The following HSPA12A variants were observed in gnomAD, a reference collection of about 807,000 sequenced individuals.
HSPA12A encodes the protein heat shock protein family A (Hsp70) member 12A.
A neutral mutation model predicts 69.2 loss-of-function variants in HSPA12A; 28 were observed. That is an observed-to-expected ratio of 0.40 (90% confidence interval 0.30 to 0.55). The LOEUF (loss-of-function observed/expected upper bound fraction) is 0.55, where lower values mean the gene tolerates loss of function less well. Among genes scored for constraint, HSPA12A ranks in the 20% least tolerant of loss-of-function variants. The pLI is 0.38. For synonymous variants in HSPA12A, 345 were observed against 370.5 expected (o/e 0.93, Z 0.79); for missense variants, 686 against 900.7 (o/e 0.76, Z 3.05).
chr10:116,794,717 G>A (rs1315122488), intron 2 of HSPA12A, among the ~76,000 whole-genome samples: 1 of 152,138 alleles, frequency 6.6e-6, no homozygotes. Context: ...GGAGGCTGAG[G>A]CAGGAGAATT....
At chr10:116,795,773 T>C (rs1182903531) in intron 2 of HSPA12A, among the ~76,000 whole-genome samples, 1 of 150,266 alleles carries the variant, frequency 6.7e-6, no homozygotes, top group East Asian at 1.9e-4. Flanking sequence ...GTATATCATA[T>C]ATTATTATTT....
In HSPA12A at chr10:116,674,995, G is replaced by A. The variant is rs781817434; in HGVS notation, c.1814C>T (p.Ser605Phe). ...QLVIVINIYS[S>F]EHDNVSFITD... The stretch of plus-strand genomic sequence containing the variant: ...GATGAAGCTGACGTTGTCGTGCTCA[G>A]AGCTGTAGATGTTGATGACAATGAC... Residue 605 changes from serine to phenylalanine, a missense_variant, in exon 12 of 12, where the codon TCT becomes TTT. Coordinates refer to ENST00000369209, the MANE Select transcript of HSPA12A (RefSeq NM_025015.3). 75 of 1,614,098 alleles carry A rather than the reference G, an allele frequency of 4.6e-5. No individual in the cohort carries two copies. The highest frequency in any genetic ancestry group is 5.8e-5 in the Non-Finnish European group (69 of 1,180,052).
intron 1 of HSPA12A, among the ~76,000 whole-genome samples, chr10:116,721,113 C>T (rs548725768): frequency 6.6e-6 from 1 of 152,326 alleles, no homozygotes; most frequent in South Asian, 2.1e-4. Context: ...GACAGACTTA[C>T]ATTTGTACAA....
At chr10:116,757,396 C>T (rs1182549746) in intron 2 of HSPA12A, among the ~76,000 whole-genome samples, 1 of 152,166 alleles carries the variant, frequency 6.6e-6, no homozygotes, top group African/African-American at 2.4e-5. Context: ...CAGAAACCGT[C>T]CATGTAGGGC....
chr10:116,787,232 T>C (rs3125617), intron 2 of HSPA12A, among the ~76,000 whole-genome samples: 111,891 of 151,680 alleles, frequency 0.74, 42,528 homozygotes, highest in Admixed American at 0.84. Context: ...CAGAGCAATC[T>C]GGAAATACCA....
chr10:116,787,766 G>A (rs1008204992), intron 2 of HSPA12A, among the ~76,000 whole-genome samples: 13 of 152,206 alleles, frequency 8.5e-5, no homozygotes, highest in African/African-American at 3.1e-4. Flanking sequence ...GTGAAAAGAA[G>A]AGGAAAGAAG....
intron 2 of HSPA12A, among the ~76,000 whole-genome samples, chr10:116,758,396 G>A (rs1248680770): frequency 5.3e-5 from 8 of 152,148 alleles, no homozygotes; most frequent in East Asian, 1.9e-4. Flanking sequence ...AATTCACTAG[G>A]TGAACTCTGA....
In HSPA12A at chr10:116,672,433, T is replaced by C. The variant is rs550115032; in HGVS notation, c.*2348A>G. The C allele has an allele frequency of 3.9e-5, 6 of 152,326 alleles. No individual in the cohort carries two copies. In the South Asian group the frequency reaches 1.2e-3, roughly 32 times the overall value. The allele number at this position is 152,326 out of a possible 1,614,324, so 9.4% of individuals were successfully genotyped here. On this transcript the variant is annotated 3_prime_UTR_variant, in exon 12 of 12. Coordinates refer to ENST00000369209, the MANE Select transcript of HSPA12A (RefSeq NM_025015.3). ...TGTGACTGTTTGGGAAGGATGTGCA[T>C]GGAGAAGGGTCTGATGAGGCTCCTG...
chr10:116,677,358 A>G (rs1295540142), intron 10 of HSPA12A, among the ~76,000 whole-genome samples: 1 of 152,154 alleles, frequency 6.6e-6, no homozygotes, highest in East Asian at 1.9e-4. Context: ...TCCCAGGAAC[A>G]TGTTCTAGAT....
intron 2 of HSPA12A, among the ~76,000 whole-genome samples, chr10:116,756,364 GAGAC>G (rs1843850587): frequency 6.6e-6 from 1 of 152,254 alleles, no homozygotes; most frequent in South Asian, 2.1e-4. Context: ...TGTGAGATCA[GAGAC>G]AGACAGCTCC....
At chr10:116,785,746 T>A in intron 2 of HSPA12A, among the ~76,000 whole-genome samples, 1 of 151,788 alleles carries the variant, frequency 6.6e-6, no homozygotes, top group Non-Finnish European at 1.5e-5. Context: ...TGTCACCCCC[T>A]CCCTCCCAGG....
intron 2 of HSPA12A, among the ~76,000 whole-genome samples, chr10:116,749,174 C>T (rs1000948700): frequency 6.6e-6 from 1 of 152,190 alleles, no homozygotes; most frequent in Non-Finnish European, 1.5e-5. Flanking sequence ...AAATGACTTT[C>T]CCCTTCTCCA....
intron 2 of HSPA12A, among the ~76,000 whole-genome samples, chr10:116,790,100 T>C (rs922381529): frequency 7.5e-6 from 1 of 132,822 alleles, no homozygotes; most frequent in Non-Finnish European, 1.6e-5. Flanking sequence ...TTCTTTTTTT[T>C]TTTTTTTTTT....
intron 2 of HSPA12A, among the ~76,000 whole-genome samples, chr10:116,764,893 T>C (rs1404996874): frequency 6.6e-6 from 1 of 152,230 alleles, no homozygotes; most frequent in Non-Finnish European, 1.5e-5. Flanking sequence ...AATATACATT[T>C]TCTAATGATA....
intron 3 of HSPA12A, among the ~76,000 whole-genome samples, chr10:116,703,761 G>A (rs1342661476): frequency 6.6e-6 from 1 of 152,176 alleles, no homozygotes; most frequent in East Asian, 1.9e-4. Flanking sequence ...CCCATGGATG[G>A]GTGGCACCCG....
intron 2 of HSPA12A, among the ~76,000 whole-genome samples, chr10:116,754,957 T>C (rs1441338680): frequency 5.3e-5 from 8 of 152,132 alleles, no homozygotes; most frequent in South Asian, 4.1e-4. Flanking sequence ...TATTTATCCA[T>C]GTATTTTTTT....
chr10:116,693,984 G>A (rs1353240621), intron 5 of HSPA12A, among the ~76,000 whole-genome samples: 1 of 152,212 alleles, frequency 6.6e-6, no homozygotes, highest in African/African-American at 2.4e-5. Flanking sequence ...TGAAAAAGCA[G>A]GTGAGGGTAT....
intron 1 of HSPA12A, among the ~76,000 whole-genome samples, chr10:116,845,625 C>T (rs1318251269): frequency 2.0e-5 from 3 of 152,148 alleles, no homozygotes; most frequent in Non-Finnish European, 2.9e-5. Flanking sequence ...TTTCTTCCCT[C>T]CCATCGTCAG....
chr10:116,770,540 C>T (rs1420784170), intron 2 of HSPA12A, among the ~76,000 whole-genome samples: 3 of 151,830 alleles, frequency 2.0e-5, no homozygotes, highest in Non-Finnish European at 4.4e-5. Context: ...GCACAGGGGG[C>T]GGCAGGAAAT....
Sources: allele counts gnomAD v4.1 joint callset (sites outside exome capture counted in the v4.1 genomes callset), GRCh38; gene constraint gnomAD v4.1.1; transcripts MANE v1.5; gene names NCBI Gene and HGNC (gene_info 2026-07-23, HGNC 2026-07-21).